TMCC1: variants seen among roughly 807,000 people sequenced by gnomAD.
TMCC1 encodes transmembrane and coiled-coil domain family 1.
TMCC1 carries 15 observed loss-of-function variants against 52.4 expected under a neutral mutation model. The ratio of observed to expected loss-of-function variants is 0.29; its 90% confidence interval spans 0.19 to 0.44. The LOEUF is 0.44. Ranked by LOEUF, TMCC1 falls within the 20% of genes least tolerant of loss-of-function variation. The pLI is 1.00. For missense variants in TMCC1, 503 were observed against 806.0 expected (o/e 0.62, Z 4.55); for synonymous variants, 279 against 301.9 (o/e 0.92, Z 0.79).
intron 2 of TMCC1, chr3:129,868,828 CAGAA>C (rs1238067729): frequency 6.6e-6 from 1 of 152,140 alleles, no homozygotes; most frequent in Non-Finnish European, 1.5e-5. Flanking sequence ...CCTATGGCTA[CAGAA>C]AGAAATATAT....
chr3:129,728,287 TTTG>T (rs769787834), intron 4 of TMCC1, among the ~76,000 whole-genome samples: 3 of 152,138 alleles, frequency 2.0e-5, no homozygotes, highest in African/African-American at 7.2e-5. Context: ...CAAAGTTTTT[TTTG>T]TTGTTGTTGT....
At chr3:129,751,924 T>G (rs946968249) in intron 4 of TMCC1, among the ~76,000 whole-genome samples, 2 of 152,214 alleles carry the variant, frequency 1.3e-5, no homozygotes, top group African/African-American at 4.8e-5. Flanking sequence ...AAGCTGCCTA[T>G]CTTCTATTTA....
intron 2 of TMCC1, among the ~76,000 whole-genome samples, chr3:129,873,410 G>C (rs185534518): frequency 3.8e-4 from 58 of 151,686 alleles, no homozygotes; most frequent in South Asian, 1.2e-3. Flanking sequence ...GGCCAGGTGT[G>C]GTGACTCACA....
intron 5 of TMCC1, among the ~76,000 whole-genome samples, chr3:129,656,159 T>G (rs927336830): frequency 6.6e-6 from 1 of 152,154 alleles, no homozygotes; most frequent in African/African-American, 2.4e-5. Context: ...CCGACTGAGG[T>G]AGGTTGTATG....
intron 4 of TMCC1, among the ~76,000 whole-genome samples, chr3:129,751,928 C>T (rs1166877660): frequency 6.6e-6 from 1 of 152,200 alleles, no homozygotes. Context: ...TGCCTATCTT[C>T]TATTTACTGT....
intron 2 of TMCC1, among the ~76,000 whole-genome samples, chr3:129,860,499 G>C (rs1432951107): frequency 6.6e-6 from 1 of 152,112 alleles, no homozygotes; most frequent in Non-Finnish European, 1.5e-5. Context: ...TGAGTCTACA[G>C]TGTACATCAA....
At chr3:129,815,768 G>A (rs1327668067) in intron 4 of TMCC1, among the ~76,000 whole-genome samples, 2 of 152,136 alleles carry the variant, frequency 1.3e-5, no homozygotes, top group Non-Finnish European at 2.9e-5. Context: ...ATGCTAAAAA[G>A]CTTCTGCACA....
Position 129,704,404 on chromosome 3 carries a change from A to T in TMCC1, c.577-33140T>A, listed in dbSNP as rs139024513. 1.5e-4 allele frequency among the ~76,000 whole-genome samples: 23 copies of T among 152,204 alleles called. No homozygotes were observed. The East Asian group carries it at 3.9e-3, about 26-fold the overall frequency. On this transcript the variant is annotated intron_variant, in intron 4 of 6. Transcript: ENST00000393238. ...GGCCCAGTGCTTGTGTCTACATCAG[A>T]TGGGAAGAGCATTTTTTATTTGTTT...
intron 4 of TMCC1, among the ~76,000 whole-genome samples, chr3:129,676,827 A>AT (rs1357924776): frequency 2.0e-5 from 3 of 152,152 alleles, no homozygotes; most frequent in African/African-American, 4.8e-5. Flanking sequence ...TTCTAATGAG[A>AT]TTTTTTGAAA....
intron 4 of TMCC1, 52 bp downstream of exon 4, chr3:129,827,751 C>T: frequency 6.3e-7 from 1 of 1,575,376 alleles, no homozygotes; most frequent in South Asian, 1.2e-5. Flanking sequence ...CTGGAGAGTC[C>T]TAGGTATGAA....
At chr3:129,683,066 C>A (rs1245354385) in intron 4 of TMCC1, among the ~76,000 whole-genome samples, 1 of 152,186 alleles carries the variant, frequency 6.6e-6, no homozygotes, top group African/African-American at 2.4e-5. Context: ...AACTCTGGAC[C>A]TCAGGTGATC....
intron 2 of TMCC1, among the ~76,000 whole-genome samples, chr3:129,844,518 A>C (rs2059571685): frequency 1.3e-5 from 2 of 152,148 alleles, no homozygotes; most frequent in Non-Finnish European, 2.9e-5. Flanking sequence ...TTTTTTTCTT[A>C]CCTTTGTTTT....
chr3:129,710,109 C>T (rs1441439964), intron 4 of TMCC1, among the ~76,000 whole-genome samples: 1 of 152,070 alleles, frequency 6.6e-6, no homozygotes, highest in Non-Finnish European at 1.5e-5. Flanking sequence ...TCTCTTGAAC[C>T]CGGGAGGTGG....
chr3:129,743,665 AG>A (rs1343132669), intron 4 of TMCC1, among the ~76,000 whole-genome samples: 2 of 152,216 alleles, frequency 1.3e-5, no homozygotes, highest in African/African-American at 4.8e-5. Flanking sequence ...GATTAAAAAA[AG>A]TCTCTTCATT....
rs1223014685 is a variant in TMCC1, at chr3:129,828,143, G to A, written c.236C>T (p.Pro79Leu). 6.2e-7 allele frequency: 1 copy of A among 1,614,142 alleles called. No homozygotes were observed. Among genetic ancestry groups the A allele is most frequent in the East Asian group, 2.2e-5 (1 of 44,872 alleles). ...DVQQIQADPE[P>L]EMDLESQNAC... ...GTTCTGGCTTTCCAGATCCATTTCA[G>A]GTTCTGGATCTGCCTGAATTTGCTG... The change falls in exon 4 of 7, where the codon CCT becomes CTT. Residue 79 changes from proline to leucine, a missense_variant. Transcript: ENST00000393238. This position sits in a 1 kb window ranked among gnomAD's most constrained non-coding sequence, Gnocchi z 4.1.
chr3:129,693,055 G>T (rs2047138453), intron 4 of TMCC1, among the ~76,000 whole-genome samples: 1 of 151,958 alleles, frequency 6.6e-6, no homozygotes. Context: ...TGTTTCCCAG[G>T]CTAGAAAGAC....
intron 2 of TMCC1, among the ~76,000 whole-genome samples, chr3:129,859,065 G>C (rs2060266402): frequency 6.6e-6 from 1 of 152,124 alleles, no homozygotes; most frequent in Non-Finnish European, 1.5e-5. Context: ...AAAGAATCTT[G>C]TAGGCCATAG....
intron 4 of TMCC1, chr3:129,794,231 G>A (rs528812898): frequency 2.7e-5 from 12 of 445,166 alleles, no homozygotes; most frequent in African/African-American, 1.0e-4. Context: ...GCTGGAGGAC[G>A]GCAGGCTTGA....
chr3:129,870,021 C>G (rs2060836670), intron 2 of TMCC1, among the ~76,000 whole-genome samples: 1 of 152,204 alleles, frequency 6.6e-6, no homozygotes, highest in African/African-American at 2.4e-5. Context: ...TTACAGCAAC[C>G]TTTACTTTTT....
Sources: allele counts gnomAD v4.1 joint callset (sites outside exome capture counted in the v4.1 genomes callset), GRCh38; gene constraint gnomAD v4.1.1; non-coding constraint Gnocchi (gnomAD v3.1); transcripts MANE v1.5; gene names NCBI Gene and HGNC (gene_info 2026-07-23, HGNC 2026-07-21).